POLE2: variants seen among roughly 807,000 people sequenced by gnomAD.
POLE2 encodes the protein DNA polymerase epsilon 2, accessory subunit.
In POLE2, 56 loss-of-function variants were observed where a neutral mutation model predicts 79.4. The observed-to-expected ratio is 0.71, with a 90% CI of 0.57 to 0.88. The LOEUF is 0.88. Ranked by LOEUF, POLE2 falls within the 40% of genes least tolerant of loss-of-function variation. The pLI, the probability that POLE2 is intolerant of heterozygous loss-of-function variation, is 0.00. For synonymous variants in POLE2, 212 were observed against 214.0 expected, an observed-to-expected ratio of 0.99 and a Z score of 0.08; for missense variants, 598 against 638.9, an observed-to-expected ratio of 0.94 and a Z score of 0.69.
At chr14:49,684,297 T>TAA (rs1566575305) in intron 1 of POLE2, among the ~76,000 whole-genome samples, 1 of 151,806 alleles carries the variant, frequency 6.6e-6, no homozygotes, top group Non-Finnish European at 1.5e-5. Flanking sequence ...ACCCCGTCTC[T>TAA]ACTAAAAACA....
At chr14:49,687,299 A>ACC (rs113436266) in intron 1 of POLE2, among the ~76,000 whole-genome samples, 1 of 97,978 alleles carries the variant, frequency 1.0e-5, no homozygotes, top group African/African-American at 3.6e-5. Flanking sequence ...ATACACACAC[A>ACC]CCACACACAC....
chr14:49,666,258 A>G (rs906277304), intron 7 of POLE2, 72 bp downstream of exon 7: 2 of 781,138 alleles, frequency 2.6e-6, no homozygotes, highest in Admixed American at 2.5e-5. Flanking sequence ...TGCCCACTAC[A>G]AAAATGTTCT....
Position 49,655,801 on chromosome 14 carries a change from A to G in POLE2, c.798T>C (p.Asn266=). ...GNINFFGGPS[N]TSVKTSAKLK... is the part of the protein sequence containing the mutation. The stretch of plus-strand genomic sequence containing the variant: ...GTTTTGCAGAAGTCTTCACAGATGT[A>G]TTAGAAGGACCTCCAAAAAAATTAA... Residue 266 remains asparagine (N), a synonymous_variant, in exon 11 of 19, where the codon AAT becomes AAC. Transcript: ENST00000216367. 6.3e-7 allele frequency: 1 copy of G among 1,586,434 alleles called. No individual in the cohort carries two copies. Among genetic ancestry groups the G allele is most frequent in the Middle Eastern group, 1.7e-4 (1 of 5,980 alleles).
At position 49,679,787 on chromosome 14, in the gene POLE2, C is replaced by T; in HGVS notation, c.183G>A (p.Met61Ile). ...CTGCTTCCACCACAGATCGTTCAATCATGTTTGATGACACTGAAAAGAGAA... is the reference window on the plus strand; with the variant it reads ...CTGCTTCCACCACAGATCGTTCAATTATGTTTGATGACACTGAAAAGAGAA... ...AVEKQPLSSN[M>I]IERSVVEAAV... The change falls in exon 3 of 19, where the codon ATG becomes ATA. Residue 61 changes from methionine to isoleucine, a missense_variant. Transcript: ENST00000216367. The T allele has an allele frequency of 6.3e-7, 1 of 1,593,000 alleles. No individual in the cohort carries two copies. Among genetic ancestry groups the T allele is most frequent in the Non-Finnish European group, 8.6e-7 (1 of 1,162,488 alleles).
intron 7 of POLE2, among the ~76,000 whole-genome samples, chr14:49,665,427 C>A (rs547243664): frequency 6.6e-6 from 1 of 152,156 alleles, no homozygotes; most frequent in Admixed American, 6.5e-5. Context: ...TGATGTCTGC[C>A]ATAAGGAGGG....
intron 2 of POLE2, chr14:49,681,299 T>C (rs368095293): frequency 5.5e-5 from 12 of 216,362 alleles, no homozygotes; most frequent in African/African-American, 2.3e-4. Flanking sequence ...AACATGCTGA[T>C]ACAGTTTTAC....
At chr14:49,677,733 T>G (rs1566566084) in intron 3 of POLE2, 1 of 1,379,010 alleles carries the variant, frequency 7.3e-7, no homozygotes, top group Middle Eastern at 2.5e-4. Context: ...CAGAACCAAC[T>G]CAGCATCCCA....
chr14:49,646,317 T>G (rs1406663159), intron 18 of POLE2, among the ~76,000 whole-genome samples: 5 of 69,018 alleles, frequency 7.2e-5, no homozygotes, highest in African/African-American at 1.1e-4. Context: ...TTTTTTTTTT[T>G]TTTTTTTTTT....
intron 4 of POLE2, 59 bp from the exon 5 acceptor site, chr14:49,674,275 G>T: frequency 6.9e-7 from 1 of 1,450,284 alleles, no homozygotes; most frequent in South Asian, 1.1e-5. Context: ...AGCCAAAAGT[G>T]AAGCAAGAGA....
Position 49,669,730 on chromosome 14 carries a change from C to A in POLE2, c.418-132G>T. ...TACTTATTCTCCACAAATTTGAAAA[C>A]CCACATAATTTAACATACAAATATC... On this transcript the variant is annotated intron_variant, in intron 5 of 18. Transcript: ENST00000216367. 5.1e-6 allele frequency: 3 copies of A among 587,692 alleles called. No homozygotes were observed. The South Asian group carries it at 6.5e-5, about 13-fold the overall frequency. The allele number at this position is 587,692 out of a possible 1,614,324, so 36.4% of individuals were successfully genotyped here. A position where few individuals can be genotyped will look rare whatever the true frequency, so the allele number is the denominator to read the frequency against.
intron 3 of POLE2, chr14:49,677,700 G>C (rs1415513664): frequency 5.9e-6 from 8 of 1,361,880 alleles, no homozygotes; most frequent in Middle Eastern, 2.5e-4. Context: ...TTCAAGAAAC[G>C]TGACAGTGTG....
chr14:49,658,510 T>C (rs1263658897), intron 10 of POLE2, among the ~76,000 whole-genome samples: 1 of 152,224 alleles, frequency 6.6e-6, no homozygotes, highest in Non-Finnish European at 1.5e-5. Flanking sequence ...AAAGCACCTT[T>C]AGTATTGACT....
At chr14:49,676,527 G>A (rs576872282) in intron 3 of POLE2, among the ~76,000 whole-genome samples, 2 of 152,212 alleles carry the variant, frequency 1.3e-5, no homozygotes, top group Non-Finnish European at 2.9e-5. Flanking sequence ...TCTGACAATT[G>A]AAGGTACAAA....
At position 49,688,152 on chromosome 14, in the gene POLE2, C is replaced by A. The variant is rs1196898070; in HGVS notation, c.52G>T (p.Gly18Cys). 5 of 1,557,196 alleles carry A rather than the reference C, an allele frequency of 3.2e-6. No homozygotes were observed. The South Asian group carries it at 3.5e-5, about 11-fold the overall frequency. Residue 18 changes from glycine to cysteine, a missense_variant, in exon 1 of 19, where the codon GGC becomes TGC. Coordinates refer to ENST00000216367, the MANE Select transcript of POLE2 (RefSeq NM_002692.4). ...CCCACTCACCCACGGAGCAGCAAGC[C>A]CCGCAACTTGAAGGCGGAGAGCGCC... ...SRALSAFKLR[G>C]LLLRGEAIKY...
chr14:49,655,366 G>GT (rs1555330571), intron 11 of POLE2, among the ~76,000 whole-genome samples: 1 of 151,730 alleles, frequency 6.6e-6, no homozygotes, highest in Non-Finnish European at 1.5e-5. Flanking sequence ...CTTAAACCCA[G>GT]TTTGTTTTTG....
rs908793527 is a variant in POLE2 at position 49,664,984 on chromosome 14, T to C, written c.633+123A>G. On this transcript the variant is annotated intron_variant, in intron 8 of 18. Coordinates refer to ENST00000216367, the MANE Select transcript of POLE2 (RefSeq NM_002692.4). ...GTTTAGGATTATATCTCTACATTCC[T>C]ACACCAGCAACATAGAGAAGTTACA... is the stretch of plus-strand genomic sequence containing the variant. 16 of 668,836 alleles carry C rather than the reference T, an allele frequency of 2.4e-5. No individual in the cohort carries two copies. The highest frequency in any genetic ancestry group is 1.9e-4 in the East Asian group (7 of 36,560). The allele number at this position is 668,836 out of a possible 1,614,324, so 41.4% of individuals were successfully genotyped here.
At chr14:49,679,199 T>C (rs1375765768) in intron 3 of POLE2, among the ~76,000 whole-genome samples, 1 of 152,128 alleles carries the variant, frequency 6.6e-6, no homozygotes, top group Non-Finnish European at 1.5e-5. Flanking sequence ...TCAATTTGTA[T>C]AGAAGTATCA....
intron 3 of POLE2, among the ~76,000 whole-genome samples, chr14:49,676,761 A>G (rs12433192): frequency 0.24 from 37,205 of 152,178 alleles, 5,582 homozygotes; most frequent in African/African-American, 0.42. Context: ...GCTGCCCAAA[A>G]GTGGGCTGGG....
intron 15 of POLE2, among the ~76,000 whole-genome samples, chr14:49,653,318 G>C (rs2139618942): frequency 6.6e-6 from 1 of 152,300 alleles, no homozygotes; most frequent in South Asian, 2.1e-4. Flanking sequence ...GCGAACCAAG[G>C]CTGCCTCTGA....
Sources: allele counts gnomAD v4.1 joint callset (sites outside exome capture counted in the v4.1 genomes callset), GRCh38; gene constraint gnomAD v4.1.1; transcripts MANE v1.5; gene names NCBI Gene and HGNC (gene_info 2026-07-23, HGNC 2026-07-21).